USP8: variants seen among roughly 807,000 people sequenced by gnomAD.
USP8 encodes ubiquitin specific peptidase 8.
Under a neutral mutation model 130.0 loss-of-function variants are expected in USP8, and 27 were observed. The ratio of observed to expected loss-of-function variants is 0.21; its 90% confidence interval spans 0.15 to 0.29. USP8 has a LOEUF of 0.29. USP8 is among the 10% of genes least tolerant of loss of function. USP8 has a pLI of 1.00. For synonymous variants in USP8, 392 were observed against 444.1 expected (o/e 0.88, Z 1.48); for missense variants, 1,029 against 1,312.2 (o/e 0.78, Z 3.33).
chr15:50,493,784 A>C (rs2052268045), intron 15 of USP8: 1 of 530,396 alleles, frequency 1.9e-6, no homozygotes, highest in South Asian at 1.7e-5. Flanking sequence ...AGTAAAGGAC[A>C]GACAGGATGA....
At chr15:50,485,205 G>A (rs775897501) in intron 12 of USP8, among the ~76,000 whole-genome samples, 1 of 151,996 alleles carries the variant, frequency 6.6e-6, no homozygotes, top group African/African-American at 2.4e-5. Flanking sequence ...GCTCACGCTT[G>A]TAATCCCAGG....
intron 8 of USP8, among the ~76,000 whole-genome samples, chr15:50,476,149 A>G (rs1251781841): frequency 1.3e-5 from 2 of 152,176 alleles, no homozygotes; most frequent in Non-Finnish European, 2.9e-5. Context: ...AAAGTAGAAT[A>G]GGCCATGTGC....
intron 4 of USP8, among the ~76,000 whole-genome samples, chr15:50,453,309 T>G (rs1318365087): frequency 2.0e-5 from 3 of 152,258 alleles, no homozygotes; most frequent in Admixed American, 2.0e-4. Context: ...TATTTTATTT[T>G]AACACACTGA....
At chr15:50,482,765 C>T (rs1322782646) in intron 11 of USP8, among the ~76,000 whole-genome samples, 5 of 152,092 alleles carry the variant, frequency 3.3e-5, no homozygotes, top group African/African-American at 1.2e-4. Context: ...CAGTTATGGT[C>T]CTTTTTACAT....
At chr15:50,460,099 G>A (rs1266113658) in intron 5 of USP8, among the ~76,000 whole-genome samples, 4 of 145,004 alleles carry the variant, frequency 2.8e-5, no homozygotes, top group South Asian at 4.4e-4. Context: ...CCAGGTTCAA[G>A]CGATTCTCCT....
chr15:50,501,201 T>C lies in USP8; in HGVS notation c.*2113T>C. On this transcript the variant is annotated 3_prime_UTR_variant, in exon 20 of 20. Transcript: ENST00000307179. Reference sequence around the variant, plus strand: ...CAGGCCGGGCACAGTGGCTCACACCTGTAATCCCAACACTCTGGGAGGCTG... The same window carrying C: ...CAGGCCGGGCACAGTGGCTCACACCCGTAATCCCAACACTCTGGGAGGCTG... 5.0e-6 allele frequency: 1 copy of C among 200,056 alleles called. No homozygotes were observed. The highest frequency in any genetic ancestry group is 1.0e-5 in the Non-Finnish European group (1 of 95,886). 12.4% of individuals were successfully genotyped at this position (200,056 alleles called of 1,614,324 possible). A position where few individuals can be genotyped will look rare whatever the true frequency, so the allele number is the denominator to read the frequency against.
intron 4 of USP8, among the ~76,000 whole-genome samples, chr15:50,449,755 G>A (rs976001451): frequency 2.0e-5 from 3 of 151,398 alleles, no homozygotes; most frequent in South Asian, 2.1e-4. Flanking sequence ...CTAATTTTTT[G>A]TATTTTTAGT....
chr15:50,494,718 A>C (rs1234256388), intron 16 of USP8, among the ~76,000 whole-genome samples: 1 of 152,174 alleles, frequency 6.6e-6, no homozygotes, highest in Non-Finnish European at 1.5e-5. Context: ...CATCCTTCTA[A>C]AATAAGAATT....
At chr15:50,493,629 C>T in intron 15 of USP8, 1 of 396,108 alleles carries the variant, frequency 2.5e-6, no homozygotes, top group South Asian at 1.9e-5. Flanking sequence ...CCTATAGTCC[C>T]TGCTACTTGG....
In USP8 at chr15:50,476,904, A is replaced by G. The variant is rs1258394432; in HGVS notation, c.905A>G (p.Glu302Gly). Reference protein sequence around the residue: ...NEPLVLEGGYENWLLCYPQYT... With the variant: ...NEPLVLEGGYGNWLLCYPQYT... Reference sequence around the variant, plus strand: ...CCTTTGGTTTTAGAGGGAGGCTATGAAAACTGGCTCCTTTGTTATCCCCAG... The same window carrying G: ...CCTTTGGTTTTAGAGGGAGGCTATGGAAACTGGCTCCTTTGTTATCCCCAG... The change falls in exon 9 of 20, where the codon GAA becomes GGA. Residue 302 changes from glutamate to glycine, a missense_variant. Transcript: ENST00000307179. The G allele has an allele frequency of 6.2e-7, 1 of 1,604,738 alleles. No homozygotes were observed. The highest frequency in any genetic ancestry group is 8.5e-7 in the Non-Finnish European group (1 of 1,178,524).
At chr15:50,475,825 A>G (rs182770027) in intron 8 of USP8, among the ~76,000 whole-genome samples, 144 of 151,844 alleles carry the variant, frequency 9.5e-4, no homozygotes, top group African/African-American at 3.2e-3. Context: ...CTGGTCTCGA[A>G]CTCCTGACCT....
intron 3 of USP8, among the ~76,000 whole-genome samples, chr15:50,444,088 G>T (rs1357411938): frequency 2.8e-5 from 4 of 141,432 alleles, no homozygotes; most frequent in Non-Finnish European, 3.1e-5. Flanking sequence ...TGTTTTGTTT[G>T]TGTGGTAGGT....
At position 50,499,087 on chromosome 15, in the gene USP8, A is replaced by G. The variant is rs1347173640; in HGVS notation, c.3356A>G (p.Ter1119=). The G allele has an allele frequency of 1.9e-6, 3 of 1,599,282 alleles. No individual in the cohort carries two copies. Among genetic ancestry groups the G allele is most frequent in the South Asian group, 2.2e-5 (2 of 89,146 alleles). ...LGPRVTDVAT[*] ...CCACGAGTAACTGATGTAGCCACATAAGGAGACATAGGTTATAAACTAGTT... is the reference window on the plus strand; with the variant it reads ...CCACGAGTAACTGATGTAGCCACATGAGGAGACATAGGTTATAAACTAGTT... The change falls in exon 20 of 20, where the codon TAA becomes TGA. Residue 1119 remains the stop codon, a stop_retained_variant. Coordinates refer to ENST00000307179, the MANE Select transcript of USP8 (RefSeq NM_005154.5).
At chr15:50,429,963 C>T (rs62016943) in intron 1 of USP8, among the ~76,000 whole-genome samples, 21,186 of 152,066 alleles carry the variant, frequency 0.14, 1,968 homozygotes, top group Middle Eastern at 0.28. Flanking sequence ...AAACAGTTAC[C>T]CTTTTGTTAG....
chr15:50,455,407 T>A (rs2050759397), intron 4 of USP8, among the ~76,000 whole-genome samples: 2 of 143,458 alleles, frequency 1.4e-5, no homozygotes, highest in Non-Finnish European at 3.1e-5. Flanking sequence ...TGGTTCTTTT[T>A]TATAGCGTCT....
intron 16 of USP8, among the ~76,000 whole-genome samples, chr15:50,495,064 G>A (rs909240377): frequency 6.6e-6 from 1 of 150,424 alleles, no homozygotes; most frequent in African/African-American, 2.4e-5. Context: ...AATGACTCAT[G>A]TGACTAGTTA....
chr15:50,464,870 T>C (rs1396096211), intron 6 of USP8, among the ~76,000 whole-genome samples, 177 bp from the exon 7 acceptor site: 1 of 152,116 alleles, frequency 6.6e-6, no homozygotes, highest in African/African-American at 2.4e-5. Context: ...AAAAACAAGT[T>C]GTATTTAATG....
Position 50,502,160 on chromosome 15 carries a change from T to A in USP8, c.*3072T>A, listed in dbSNP as rs1003726836. The A allele has an allele frequency of 6.6e-6, 1 of 152,242 alleles. No homozygotes were observed. Among genetic ancestry groups the A allele is most frequent in the Non-Finnish European group, 1.5e-5 (1 of 68,094 alleles). The allele number at this position is 152,242 out of a possible 1,614,324, so 9.4% of individuals were successfully genotyped here. A position where few individuals can be genotyped will look rare whatever the true frequency, so the allele number is the denominator to read the frequency against. On this transcript the variant is annotated 3_prime_UTR_variant, in exon 20 of 20. Transcript: ENST00000307179. ...TCTCTCTCTGTTGCCCAGGCTGGAA[T>A]GCAGTGGCACGATCTCGGCTCACTG...
chr15:50,481,414 A>G, intron 10 of USP8, 67 bp from the exon 11 acceptor site: 1 of 1,172,772 alleles, frequency 8.5e-7, no homozygotes. Context: ...TCACAACTTG[A>G]TCTCAAGAAC....
Sources: allele counts gnomAD v4.1 joint callset (sites outside exome capture counted in the v4.1 genomes callset), GRCh38; gene constraint gnomAD v4.1.1; transcripts MANE v1.5; gene names NCBI Gene and HGNC (gene_info 2026-07-23, HGNC 2026-07-21).